The following NFU1 variants were observed in gnomAD, a reference collection of about 807,000 sequenced individuals.
NFU1 encodes NFU1 iron-sulfur cluster scaffold homolog, mitochondrial.
In NFU1, 30 loss-of-function variants were observed where a neutral mutation model predicts 32.2. The ratio of observed to expected loss-of-function variants is 0.93; its 90% CI spans 0.70 to 1.26. The LOEUF (loss-of-function observed/expected upper bound fraction) is 1.26, where lower values mean the gene tolerates loss of function less well. NFU1 is among the 50% of genes most tolerant of loss of function. The pLI, the probability that NFU1 is intolerant of heterozygous loss-of-function variation, is 0.00. For synonymous variants in NFU1, 112 were observed against 104.6 expected (o/e 1.07, Z -0.43); for missense variants, 306 against 306.6 (o/e 1.00, Z 0.02).
At position 69,415,183 on chromosome 2, in the gene NFU1, A is replaced by C; in HGVS notation, c.484+2T>G. On this transcript the variant is annotated splice_donor_variant, in intron 5 of 7. Transcript: ENST00000410022. LOFTEE classifies it high-confidence loss of function. ...TTTTAATTACTCAATACAACATGTTACCTGCTTCTCCTGAAGGTGTTTCCT... is the reference window on the plus strand; with the variant it reads ...TTTTAATTACTCAATACAACATGTTCCCTGCTTCTCCTGAAGGTGTTTCCT... The C allele has an allele frequency of 1.3e-6, 2 of 1,536,622 alleles. No homozygotes were observed. The highest frequency in any genetic ancestry group is 1.8e-6 in the Non-Finnish European group (2 of 1,109,442).
chr2:69,415,906 T>C (rs920875817), intron 4 of NFU1, among the ~76,000 whole-genome samples: 1 of 152,150 alleles, frequency 6.6e-6, no homozygotes, highest in African/African-American at 2.4e-5. Context: ...GCAAGAGGAT[T>C]GCTTGAGTCC....
In NFU1 at chr2:69,418,362, TG is replaced by T. The variant is rs35919260; in HGVS notation, c.369+1175del. On this transcript the variant is annotated intron_variant, in intron 4 of 7. Transcript: ENST00000410022. ...CTGCAGTGAGCTGAGATCATGCCAC[TG>T]CACTCTGACCTGGGTGTGGAGTGAG... Among the ~76,000 whole-genome samples the T allele has an allele frequency of 6.3e-3, 959 of 152,314 alleles. 39 individuals carry two copies. The highest frequency in any genetic ancestry group is 0.054 in the Admixed American group (825 of 15,296).
chr2:69,419,243 C>T (rs1673160825), intron 4 of NFU1, among the ~76,000 whole-genome samples: 1 of 151,968 alleles, frequency 6.6e-6, no homozygotes, highest in Admixed American at 6.6e-5. Flanking sequence ...AGGAGAATCA[C>T]TTGGACCTGG....
chr2:69,399,257 G>T, intron 7 of NFU1: 1 of 345,340 alleles, frequency 2.9e-6, no homozygotes. Flanking sequence ...CTGTGGGTTG[G>T]AAATTTCTAA....
At chr2:69,404,241 C>G (rs1340271512) in intron 6 of NFU1, among the ~76,000 whole-genome samples, 1 of 150,840 alleles carries the variant, frequency 6.6e-6, no homozygotes, top group Non-Finnish European at 1.5e-5. Flanking sequence ...CCTGTAATCC[C>G]GGCACTTTGG....
At position 69,396,275 on chromosome 2, in the gene NFU1, A is replaced by G. The variant is rs576696827; in HGVS notation, c.736T>C (p.Ser246Pro). The G allele has an allele frequency of 1.2e-6, 2 of 1,610,674 alleles. No individual in the cohort carries two copies. The highest frequency in any genetic ancestry group is 2.2e-5 in the South Asian group (2 of 90,734). ...GGTGAGTTTGCTTCTTTTTCATCTG[A>G]TTCATCATCCATAACCTAAAACCAA... ...EGVEQVMDDESDEKEANSP is the reference protein window; with the variant it reads ...EGVEQVMDDEPDEKEANSP The change falls in exon 8 of 8, where the codon TCA (serine) becomes CCA (proline). Residue 246 changes from serine to proline, a missense_variant. Coordinates refer to ENST00000410022, the MANE Select transcript of NFU1 (RefSeq NM_001002755.4).
At chr2:69,439,199 C>T (rs1248476450), upstream of NFU1, among the ~76,000 whole-genome samples, 2 of 152,094 alleles carry the variant, frequency 1.3e-5, no homozygotes, top group African/African-American at 4.8e-5. Context: ...GCTTCTATGT[C>T]CCACCATTCT....
At chr2:69,397,004 G>A (rs901429436) in intron 7 of NFU1, among the ~76,000 whole-genome samples, 1 of 151,864 alleles carries the variant, frequency 6.6e-6, no homozygotes. Flanking sequence ...CTGGGGAGGT[G>A]GAGGTTGCAG....
chr2:69,416,283 C>CTTA (rs1053424248), intron 4 of NFU1: 2 of 147,328 alleles, frequency 1.4e-5, no homozygotes, highest in African/African-American at 2.5e-5. Flanking sequence ...AATTCATTCA[C>CTTA]TTATTATTAT....
chr2:69,402,571 G>GAT (rs1020534708), intron 6 of NFU1, among the ~76,000 whole-genome samples: 10 of 151,984 alleles, frequency 6.6e-5, no homozygotes, highest in Non-Finnish European at 8.8e-5. Flanking sequence ...ATTTTTATCT[G>GAT]ATATATATAT....
chr2:69,427,059 CAAAA>C (rs756433492), intron 2 of NFU1, among the ~76,000 whole-genome samples: 1 of 75,198 alleles, frequency 1.3e-5, no homozygotes. Context: ...GACTAGGTCT[CAAAA>C]AAAAAAAAGA....
intron 3 of NFU1, among the ~76,000 whole-genome samples, chr2:69,420,084 C>T (rs1029227226): frequency 3.9e-5 from 6 of 152,034 alleles, no homozygotes; most frequent in African/African-American, 1.4e-4. Flanking sequence ...TGGCTCATTG[C>T]AACCTCCGCC....
At chr2:69,421,653 T>C (rs1673247701) in intron 3 of NFU1, among the ~76,000 whole-genome samples, 1 of 144,898 alleles carries the variant, frequency 6.9e-6, no homozygotes, top group African/African-American at 2.6e-5. Flanking sequence ...CTGCAAGCTC[T>C]GCCTCCCGGG....
intron 6 of NFU1, 118 bp from the exon 7 acceptor site, chr2:69,400,656 C>G (rs191140275): frequency 9.4e-6 from 8 of 846,788 alleles, no homozygotes; most frequent in Non-Finnish European, 1.3e-5. Context: ...GTTAGAGCTA[C>G]TTTTATAATA....
At chr2:69,437,531 T>A, upstream of NFU1, 1 of 1,383,638 alleles carries the variant, frequency 7.2e-7, no homozygotes, top group Non-Finnish European at 1.0e-6. Context: ...CCCTACCGGC[T>A]GCGGGCGGTC....
In NFU1 at chr2:69,419,608, CA is replaced by C; in HGVS notation, c.303-5del. The C allele has an allele frequency of 7.8e-6, 12 of 1,547,710 alleles. No individual in the cohort carries two copies. Among genetic ancestry groups the C allele is most frequent in the Admixed American group, 1.7e-5 (1 of 57,634 alleles). ...TCCTTCAATCCTAAATAACTGCCTG[CA>C]AAAAAAGAAAAAATAAGAGATATTA... is the stretch of plus-strand genomic sequence containing the variant. On this transcript the variant is annotated splice_polypyrimidine_tract_variant and splice_region_variant and intron_variant, in intron 3 of 7. Transcript: ENST00000410022.
At chr2:69,422,490 A>C (rs745664604) in intron 3 of NFU1, among the ~76,000 whole-genome samples, 10 of 152,152 alleles carry the variant, frequency 6.6e-5, no homozygotes, top group Admixed American at 1.3e-4. Context: ...AAATTATTCC[A>C]TCTTGAAAGA....
chr2:69,398,901 G>A (rs561162956), intron 7 of NFU1, among the ~76,000 whole-genome samples: 2 of 152,208 alleles, frequency 1.3e-5, no homozygotes, highest in South Asian at 4.1e-4. Flanking sequence ...TCCCAATGGA[G>A]CCCTTAAGGG....
chr2:69,399,876 AT>A (rs71397328), intron 7 of NFU1, among the ~76,000 whole-genome samples: 94,199 of 145,738 alleles, frequency 0.65, 31,252 homozygotes, highest in African/African-American at 0.85. Flanking sequence ...AAGTTACTTC[AT>A]TTTTTTTTTT....
Sources: allele counts gnomAD v4.1 joint callset (sites outside exome capture counted in the v4.1 genomes callset), GRCh38; gene constraint gnomAD v4.1.1; transcripts MANE v1.5; gene names NCBI Gene and HGNC (gene_info 2026-07-23, HGNC 2026-07-21).